The following PLPPR5 variants were observed in gnomAD, a reference collection of about 807,000 sequenced individuals.
PLPPR5 encodes the protein phospholipid phosphatase related 5.
PLPPR5 carries 16 observed loss-of-function variants against 33.9 expected under a neutral mutation model. The ratio of observed to expected loss-of-function variants is 0.47; its 90% CI spans 0.32 to 0.72. The LOEUF (loss-of-function observed/expected upper bound fraction) is 0.72, where lower values mean the gene tolerates loss of function less well. Ranked by LOEUF, PLPPR5 falls within the 30% of genes least tolerant of loss-of-function variation. PLPPR5 has a pLI of 0.03. For synonymous variants in PLPPR5, 163 were observed against 150.3 expected (o/e 1.08, Z -0.62); for missense variants, 301 against 406.7 (o/e 0.74, Z 2.23).
chr1:98,913,626 G>C (rs953240927), intron 5 of PLPPR5, among the ~76,000 whole-genome samples: 1 of 152,024 alleles, frequency 6.6e-6, no homozygotes, highest in African/African-American at 2.4e-5. Flanking sequence ...GTATCTTATT[G>C]CAGTCACTGA....
rs1475358691 is a variant in PLPPR5, at chr1:98,891,267, A to G, written c.*1805T>C. The G allele has an allele frequency of 1.3e-5, 2 of 152,034 alleles. No homozygotes were observed. Among genetic ancestry groups the G allele is most frequent in the African/African-American group, 4.8e-5 (2 of 41,412 alleles). 9.4% of individuals were successfully genotyped at this position (152,034 alleles called of 1,614,324 possible). On this transcript the variant is annotated 3_prime_UTR_variant, in exon 6 of 6. Coordinates refer to ENST00000263177, the MANE Select transcript of PLPPR5 (RefSeq NM_001037317.2). ...CTAGTAGAAGTGTTTTAGCTTCCAC[A>G]GTGATAGAAATGGGCAAATAACATC... is the stretch of plus-strand genomic sequence containing the variant.
intron 3 of PLPPR5, among the ~76,000 whole-genome samples, chr1:98,933,218 G>T (rs2101179772): frequency 6.6e-6 from 1 of 151,916 alleles, no homozygotes; most frequent in East Asian, 1.9e-4. Context: ...GGTTTCAGTG[G>T]CTCATGCCTG....
At chr1:98,920,592 C>CTAAAAAAAAAAA (rs1557669386) in intron 4 of PLPPR5, among the ~76,000 whole-genome samples, 1 of 13,658 alleles carries the variant, frequency 7.3e-5, no homozygotes, top group Non-Finnish European at 2.2e-4. Context: ...AGTGGTATCA[C>CTAAAAAAAAAAA]CAAAAAAAAA....
intron 3 of PLPPR5, among the ~76,000 whole-genome samples, chr1:98,945,478 A>G (rs1650515897): frequency 6.6e-6 from 1 of 152,116 alleles, no homozygotes; most frequent in African/African-American, 2.4e-5. Context: ...CTTCTTTTCA[A>G]TGGGGGTACC....
In PLPPR5 at chr1:98,957,215, T is replaced by C. The variant is rs148768679; in HGVS notation, c.238-474A>G. ...GTTGGGGGAGGGGGGAGGGATAGCA[T>C]TGGGAGATATACCTAATGCTAGATG... On this transcript the variant is annotated intron_variant, in intron 1 of 5. Transcript: ENST00000263177. Among the ~76,000 whole-genome samples the C allele has an allele frequency of 1.2e-4, 18 of 146,252 alleles. 1 individual carries two copies. The highest frequency in any genetic ancestry group is 1.6e-4 in the Non-Finnish European group (11 of 66,862).
intron 3 of PLPPR5, among the ~76,000 whole-genome samples, chr1:98,938,301 A>C (rs1406983403): frequency 6.6e-6 from 1 of 151,872 alleles, no homozygotes; most frequent in African/African-American, 2.4e-5. Context: ...TGTGAATGCA[A>C]AGTATAGTAT....
chr1:98,892,847 G>A lies in PLPPR5; in HGVS notation c.*225C>T, dbSNP rs1027530824. On this transcript the variant is annotated 3_prime_UTR_variant, in exon 6 of 6. Coordinates refer to ENST00000263177, the MANE Select transcript of PLPPR5 (RefSeq NM_001037317.2). ...TTTGTTGAACACCTACTTTGTGCTA[G>A]GCTTTGTTGTAAGTGCTGGGGACAC... The A allele has an allele frequency of 1.5e-5, 7 of 455,618 alleles. No homozygotes were observed. The highest frequency in any genetic ancestry group is 1.4e-4 in the African/African-American group (7 of 48,488). 28.2% of individuals were successfully genotyped at this position (455,618 alleles called of 1,614,324 possible).
chr1:98,932,587 T>G (rs542962105), intron 3 of PLPPR5, among the ~76,000 whole-genome samples: 2 of 152,366 alleles, frequency 1.3e-5, no homozygotes, highest in East Asian at 3.9e-4. Flanking sequence ...TAGCTATTTT[T>G]TAGGTGTGTA....
At chr1:98,945,886 T>A (rs1389815513) in intron 3 of PLPPR5, among the ~76,000 whole-genome samples, 5 of 152,194 alleles carry the variant, frequency 3.3e-5, no homozygotes, top group South Asian at 2.1e-4. Flanking sequence ...TAGGTCTAGA[T>A]CTGACTTGCC....
chr1:98,901,579 C>T (rs555299833), intron 5 of PLPPR5, among the ~76,000 whole-genome samples: 21 of 151,598 alleles, frequency 1.4e-4, no homozygotes, highest in South Asian at 4.2e-4. Context: ...TGTTTCAGTA[C>T]GAAAGAAAAA....
At chr1:98,897,809 T>C (rs778341227) in intron 5 of PLPPR5, among the ~76,000 whole-genome samples, 64 of 152,074 alleles carry the variant, frequency 4.2e-4, no homozygotes, top group Non-Finnish European at 5.1e-4. Flanking sequence ...ATCTGTGAAA[T>C]AGAGATAAGA....
At chr1:98,906,293 A>G (rs1398025149) in intron 5 of PLPPR5, among the ~76,000 whole-genome samples, 3 of 151,074 alleles carry the variant, frequency 2.0e-5, no homozygotes, top group African/African-American at 7.3e-5. Context: ...ATATACATAT[A>G]TATGTATATA....
chr1:98,947,287 A>G (rs1473668508), intron 3 of PLPPR5, among the ~76,000 whole-genome samples: 1 of 152,206 alleles, frequency 6.6e-6, no homozygotes, highest in Non-Finnish European at 1.5e-5. Context: ...CATGCTGCTT[A>G]GTGGTTGTTG....
In PLPPR5 at chr1:98,899,655, C is replaced by CTTTTTTTTTTTTTTTTTTT. The variant is rs1214385487; in HGVS notation, c.934-6552_934-6551insAAAAAAAAAAAAAAAAAAA. 2.2e-5 allele frequency among the ~76,000 whole-genome samples: 3 copies of CTTTTTTTTTTTTTTTTTTT among 138,568 alleles called. 1 individual carries two copies. 90.9% of individuals were successfully genotyped at this position (138,568 alleles called of 152,430 possible). A position where few individuals can be genotyped will look rare whatever the true frequency, so the allele number is the denominator to read the frequency against. On this transcript the variant is annotated intron_variant, in intron 5 of 5. Transcript: ENST00000263177. ...CTTCAGAAAATACCTGTTTATTTCA[C>CTTTTTTTTTTTTTTTTTTT]TTGTTTTTTTTTTTTTTTTTTGAGA...
Position 98,909,243 on chromosome 1 carries a change from C to T in PLPPR5, c.933+5543G>A, listed in dbSNP as rs557034908. On this transcript the variant is annotated intron_variant, in intron 5 of 5. Transcript: ENST00000263177. ...CCCCTCCCTTCCCTTCCCTTTCCCT[C>T]CCTTCCCCTCCCTTCCCCCTCCCTC... 6.8e-3 allele frequency among the ~76,000 whole-genome samples: 807 copies of T among 118,770 alleles called. 10 individuals carry two copies. The highest frequency in any genetic ancestry group is 0.024 in the African/African-American group (773 of 32,242). 77.9% of individuals were successfully genotyped at this position (118,770 alleles called of 152,430 possible).
At chr1:98,931,562 C>T (rs1649966642) in intron 3 of PLPPR5, among the ~76,000 whole-genome samples, 1 of 152,162 alleles carries the variant, frequency 6.6e-6, no homozygotes, top group Non-Finnish European at 1.5e-5. Context: ...AGGATCCTTT[C>T]TCCCTCAGCC....
At chr1:98,948,740 T>C (rs1650652674) in intron 3 of PLPPR5, among the ~76,000 whole-genome samples, 1 of 152,150 alleles carries the variant, frequency 6.6e-6, no homozygotes, top group South Asian at 2.1e-4. Flanking sequence ...CAGCTATTTG[T>C]GCTGTCTCGG....
intron 1 of PLPPR5, among the ~76,000 whole-genome samples, chr1:98,968,495 G>A (rs893910402): frequency 6.6e-6 from 1 of 151,922 alleles, no homozygotes; most frequent in African/African-American, 2.4e-5. Flanking sequence ...AACCTTTTAA[G>A]CACAAGCAAA....
intron 1 of PLPPR5, among the ~76,000 whole-genome samples, chr1:99,002,823 G>C (rs1652901943): frequency 6.6e-6 from 1 of 151,938 alleles, no homozygotes; most frequent in African/African-American, 2.4e-5. Context: ...CCAAACCAAT[G>C]AGCTGAAAGT....
Sources: allele counts gnomAD v4.1 joint callset (sites outside exome capture counted in the v4.1 genomes callset), GRCh38; gene constraint gnomAD v4.1.1; transcripts MANE v1.5; gene names NCBI Gene and HGNC (gene_info 2026-07-23, HGNC 2026-07-21).